Variants in CASP6 observed in about 807,000 individuals in gnomAD.
CASP6 encodes the protein caspase 6, also known as caspase-6.
Under a neutral mutation model 31.8 loss-of-function variants are expected in CASP6, and 20 were observed. The observed-to-expected ratio is 0.63, with a 90% CI of 0.44 to 0.91. The LOEUF (loss-of-function observed/expected upper bound fraction) is 0.91, where lower values mean the gene tolerates loss of function less well. CASP6 is among the 40% of genes least tolerant of loss of function. CASP6 has a pLI of 0.00. For synonymous variants in CASP6, 130 were observed against 127.8 expected (o/e 1.02, Z -0.12); for missense variants, 328 against 361.1 (o/e 0.91, Z 0.74).
downstream of CASP6, chr4:109,688,104 A>ATAAAG (rs1159955476): frequency 6.6e-6 from 1 of 152,554 alleles, no homozygotes; most frequent in Non-Finnish European, 1.5e-5. Context: ...TCCACCAACC[A>ATAAAG]TAAAGTATAG....
At chr4:109,687,472 TCTC>T, downstream of CASP6, 1 of 1,360,584 alleles carries the variant, frequency 7.3e-7, no homozygotes, top group Non-Finnish European at 1.0e-6. Flanking sequence ...TTGGTATGTT[TCTC>T]TTCTTTCTGA....
At chr4:109,682,324 CT>C in the CASP6 span, among the ~76,000 whole-genome samples, 9,719 of 147,178 alleles carry the variant, frequency 0.066, 1,036 homozygotes, top group African/African-American at 0.23. Context: ...TTTTTGGTGA[CT>C]TTTTTTTTTT....
downstream of CASP6, chr4:109,684,327 G>C (rs901317073): frequency 1.4e-6 from 1 of 701,782 alleles, no homozygotes; most frequent in African/African-American, 1.8e-5. Flanking sequence ...CTCCCAGAGT[G>C]CTGAGATTAC....
At position 109,688,894 on chromosome 4, in the gene CASP6, C is replaced by G. The variant is rs1729930399; in HGVS notation, c.*436G>C. ...TTTTTTTTTTTTTTAAGGCAGTTCT[C>G]TGCTAGGCATTAAACTTTAAAACAT... On this transcript the variant is annotated 3_prime_UTR_variant, in exon 7 of 7. Coordinates refer to ENST00000265164, the MANE Select transcript of CASP6 (RefSeq NM_001226.4). The G allele has an allele frequency of 6.8e-6, 1 of 146,710 alleles. No individual in the cohort carries two copies. The highest frequency in any genetic ancestry group is 1.5e-5 in the Non-Finnish European group (1 of 67,364). The allele number at this position is 146,710 out of a possible 1,614,324, so 9.1% of individuals were successfully genotyped here.
downstream of CASP6, chr4:109,684,357 C>T (rs1031218768): frequency 1.2e-5 from 13 of 1,123,900 alleles, no homozygotes; most frequent in South Asian, 6.4e-5. Context: ...CCACCGCGCC[C>T]GGCAAGAGTT....
the CASP6 span, among the ~76,000 whole-genome samples, chr4:109,683,581 C>G: frequency 6.6e-6 from 1 of 152,156 alleles, no homozygotes; most frequent in African/African-American, 2.4e-5. Context: ...TGTGTACAAA[C>G]AAATACATTC....
chr4:109,691,072 G>T, intron 5 of CASP6, 63 bp from the exon 6 acceptor site: 1 of 1,524,196 alleles, frequency 6.6e-7, no homozygotes, highest in Non-Finnish European at 8.8e-7. Context: ...TGCTTAATGT[G>T]TGCAGTGAAT....
At chr4:109,670,959 T>G in the CASP6 span, among the ~76,000 whole-genome samples, 1 of 152,186 alleles carries the variant, frequency 6.6e-6, no homozygotes, top group Non-Finnish European at 1.5e-5. Flanking sequence ...TCAGTTACAG[T>G]TCAGGTTTTC....
chr4:109,673,817 C>T, the CASP6 span: 5 of 710,976 alleles, frequency 7.0e-6, no homozygotes, highest in Admixed American at 8.2e-5. Context: ...TTTTTTCGCT[C>T]TAGGGAGATT....
intron 2 of CASP6, 49 bp downstream of exon 2, chr4:109,698,251 C>A: frequency 2.6e-6 from 4 of 1,566,402 alleles, no homozygotes; most frequent in Non-Finnish European, 3.5e-6. Flanking sequence ...GTAGGCTGAT[C>A]ATGACCATCA....
chr4:109,696,345 C>G, intron 4 of CASP6, 65 bp downstream of exon 4: 1 of 1,145,074 alleles, frequency 8.7e-7, no homozygotes, highest in South Asian at 1.4e-5. Context: ...CCTGTCTTTA[C>G]AGATAGGATA....
upstream of CASP6, chr4:109,703,512 G>T (rs1053006447): frequency 1.5e-6 from 2 of 1,360,866 alleles, no homozygotes; most frequent in Non-Finnish European, 2.0e-6. Flanking sequence ...CCCGAGCGTG[G>T]GGCCAGTTGG....
At chr4:109,706,032 A>ATATATATAT (rs1419095475), upstream of CASP6, among the ~76,000 whole-genome samples, 6 of 93,812 alleles carry the variant, frequency 6.4e-5, no homozygotes, top group African/African-American at 2.9e-4. Flanking sequence ...ATATATATAT[A>ATATATATAT]ATATATATAA....
At chr4:109,680,078 A>G in the CASP6 span, among the ~76,000 whole-genome samples, 1 of 152,320 alleles carries the variant, frequency 6.6e-6, no homozygotes, top group South Asian at 2.1e-4. Flanking sequence ...CTGGTATTAC[A>G]GGCGTGAACC....
At chr4:109,695,740 C>CAA (rs762055298) in intron 4 of CASP6, among the ~76,000 whole-genome samples, 3,186 of 127,658 alleles carry the variant, frequency 0.025, 118 homozygotes, top group African/African-American at 0.072. Context: ...GACTCCATCT[C>CAA]AAAAAAAAAA....
At chr4:109,667,003 G>C in the CASP6 span, among the ~76,000 whole-genome samples, 1 of 152,028 alleles carries the variant, frequency 6.6e-6, no homozygotes, top group Non-Finnish European at 1.5e-5. Context: ...ATTTTGCTGA[G>C]GATTTTTGTG....
At chr4:109,666,673 A>T in the CASP6 span, among the ~76,000 whole-genome samples, 1 of 152,046 alleles carries the variant, frequency 6.6e-6, no homozygotes, top group African/African-American at 2.4e-5. Flanking sequence ...TATGTTTGGG[A>T]TAACGGTCTT....
At chr4:109,706,131 T>TATATATATATATATATATATATA (rs60918624), upstream of CASP6, among the ~76,000 whole-genome samples, 3 of 36,110 alleles carry the variant, frequency 8.3e-5, no homozygotes, top group African/African-American at 2.6e-4. Flanking sequence ...CCTATCCATT[T>TATATATATATATATATATATATA]TATATATATA....
Position 109,689,381 on chromosome 4 carries a change from A to G in CASP6, c.831T>C (p.Cys277=), listed in dbSNP as rs1267151754. 2 of 1,614,220 alleles carry G rather than the reference A, an allele frequency of 1.2e-6. No homozygotes were observed. Among genetic ancestry groups the G allele is most frequent in the South Asian group, 2.2e-5 (2 of 91,086 alleles). ...PSAIGKKQVP[C]FASMLTKKLH... is the part of the protein sequence containing the mutation. ...GCTTTTTAGTTAGCATTGAGGCAAA[A>G]CAGGGAACCTGCTTCTTTCCAATTG... Residue 277 remains cysteine, a synonymous_variant, in exon 7 of 7, where the codon TGT becomes TGC. Transcript: ENST00000265164.
Sources: allele counts gnomAD v4.1 joint callset (sites outside exome capture counted in the v4.1 genomes callset), GRCh38; gene constraint gnomAD v4.1.1; transcripts MANE v1.5; gene names NCBI Gene and HGNC (gene_info 2026-07-23, HGNC 2026-07-21).